Variants in ANKH observed in about 807,000 individuals in gnomAD.
The protein encoded by ANKH is mineralization regulator ANKH.
A neutral mutation model predicts 49.0 loss-of-function variants in ANKH; 15 were observed. That is an observed-to-expected ratio of 0.31 (90% CI 0.20 to 0.47). The LOEUF (loss-of-function observed/expected upper bound fraction) is 0.47. ANKH is among the 20% of genes least tolerant of loss of function. ANKH has a pLI of 1.00. For synonymous variants in ANKH, 273 were observed against 260.0 expected, an observed-to-expected ratio of 1.05 and a Z score of -0.48; for missense variants, 429 against 652.0, an observed-to-expected ratio of 0.66 and a Z score of 3.72.
chr5:14,799,141 T>C (rs1377624351), intron 1 of ANKH, among the ~76,000 whole-genome samples: 1 of 152,204 alleles, frequency 6.6e-6, no homozygotes, highest in Non-Finnish European at 1.5e-5. Flanking sequence ...CCCACAACAT[T>C]CCCTTAAGCA....
chr5:14,869,444 G>A (rs1735753078), intron 1 of ANKH: 1 of 152,092 alleles, frequency 6.6e-6, no homozygotes, highest in African/African-American at 2.4e-5. Flanking sequence ...CTCATACTCT[G>A]GTGTTTTTGG....
rs1735363885 is a variant in ANKH at position 14,858,573 on chromosome 5, A to G, written c.96+12779T>C. Reference sequence around the variant, plus strand: ...TCTACTAAAAATACAAAAATTAGCCAGGCATGGTGGGTAATGCCTGTAGTC... The same window carrying G: ...TCTACTAAAAATACAAAAATTAGCCGGGCATGGTGGGTAATGCCTGTAGTC... On this transcript the variant is annotated intron_variant, in intron 1 of 11. Coordinates refer to ENST00000284268, the MANE Select transcript of ANKH (RefSeq NM_054027.6). Among the ~76,000 whole-genome samples the G allele has an allele frequency of 3.9e-5, 6 of 151,928 alleles. No homozygotes were observed. In the South Asian group the frequency reaches 6.2e-4, roughly 16 times the overall value.
At chr5:14,717,885 A>G (rs1304791216) in intron 8 of ANKH, among the ~76,000 whole-genome samples, 1 of 152,210 alleles carries the variant, frequency 6.6e-6, no homozygotes. Flanking sequence ...AGCGCTCAAA[A>G]GTTTCAGATT....
intron 8 of ANKH, among the ~76,000 whole-genome samples, chr5:14,718,571 G>A: frequency 6.6e-6 from 1 of 152,200 alleles, no homozygotes; most frequent in Non-Finnish European, 1.5e-5. Flanking sequence ...AGCAGTTTGG[G>A]AGGCTGAGGC....
At chr5:14,715,123 G>A (rs1737397972) in intron 9 of ANKH, among the ~76,000 whole-genome samples, 2 of 152,310 alleles carry the variant, frequency 1.3e-5, no homozygotes, top group African/African-American at 4.8e-5. Flanking sequence ...GGGGCTCCAT[G>A]GCTCCTTTCT....
intron 1 of ANKH, among the ~76,000 whole-genome samples, chr5:14,798,874 CT>C (rs1740475960): frequency 6.6e-6 from 1 of 152,168 alleles, no homozygotes; most frequent in African/African-American, 2.4e-5. Context: ...TGGCCTCTAA[CT>C]ATTCAAGTGA....
intron 2 of ANKH, among the ~76,000 whole-genome samples, chr5:14,762,993 T>C (rs989892104): frequency 1.3e-5 from 2 of 152,220 alleles, no homozygotes; most frequent in Admixed American, 1.3e-4. Flanking sequence ...GTGGACAGCT[T>C]TGACCCTCCT....
intron 1 of ANKH, among the ~76,000 whole-genome samples, chr5:14,858,630 C>T (rs377317707): frequency 2.0e-5 from 3 of 151,958 alleles, no homozygotes; most frequent in Non-Finnish European, 4.4e-5. Flanking sequence ...GCAGGAAAAT[C>T]GCTTAAACAC....
chr5:14,824,841 C>T (rs1392955913), intron 1 of ANKH, among the ~76,000 whole-genome samples: 1 of 152,086 alleles, frequency 6.6e-6, no homozygotes, highest in Non-Finnish European at 1.5e-5. Context: ...GTTACACGCC[C>T]CAAAAGGTGA....
chr5:14,777,413 T>C (rs747832052), intron 1 of ANKH, among the ~76,000 whole-genome samples: 3 of 152,208 alleles, frequency 2.0e-5, no homozygotes, highest in Admixed American at 6.5e-5. Flanking sequence ...CCTGATTTTT[T>C]TTCCACAGTA....
chr5:14,812,627 G>C (rs925810035), intron 1 of ANKH, among the ~76,000 whole-genome samples: 18 of 152,084 alleles, frequency 1.2e-4, no homozygotes, highest in Admixed American at 8.5e-4. Flanking sequence ...ATCCTACTAA[G>C]TCAGTTTAGC....
At chr5:14,716,239 C>T (rs116452229) in intron 9 of ANKH, among the ~76,000 whole-genome samples, 4 of 152,078 alleles carry the variant, frequency 2.6e-5, no homozygotes, top group African/African-American at 9.7e-5. Context: ...CAGTGGCTCA[C>T]GCCTGTAATC....
At chr5:14,784,526 T>C (rs1739911546) in intron 1 of ANKH, among the ~76,000 whole-genome samples, 1 of 152,176 alleles carries the variant, frequency 6.6e-6, no homozygotes, top group Non-Finnish European at 1.5e-5. Context: ...GGAAAAATAA[T>C]TATCATTAAA....
chr5:14,809,509 C>T (rs369708231), intron 1 of ANKH, among the ~76,000 whole-genome samples: 1 of 152,032 alleles, frequency 6.6e-6, no homozygotes, highest in Admixed American at 6.6e-5. Context: ...GAGCCGTGAT[C>T]GTGCCACTGC....
intron 1 of ANKH, among the ~76,000 whole-genome samples, chr5:14,818,820 G>A (rs1355038942): frequency 1.3e-5 from 2 of 151,976 alleles, no homozygotes; most frequent in South Asian, 2.1e-4. Context: ...AAACCTCATC[G>A]TTCTGGTCGC....
At chr5:14,844,561 T>A (rs1177273978) in intron 1 of ANKH, among the ~76,000 whole-genome samples, 2 of 152,210 alleles carry the variant, frequency 1.3e-5, no homozygotes, top group African/African-American at 4.8e-5. Flanking sequence ...GTGTTTTAGC[T>A]ACAAGTCAGA....
In ANKH at chr5:14,713,382, A is replaced by G. The variant is rs971453560; in HGVS notation, c.1265+162T>C. Among the ~76,000 whole-genome samples, 8 of 152,232 alleles carry G rather than the reference A, an allele frequency of 5.3e-5. No homozygotes were observed. Among genetic ancestry groups the G allele is most frequent in the Non-Finnish European group, 1.0e-4 (7 of 68,048 alleles). ...AAGCACTTTTCTAAAATGGATCCCA[A>G]GAGCCTCCACCTGGTGCCTGGGCAG... On this transcript the variant is annotated intron_variant, in intron 10 of 11. Transcript: ENST00000284268. The surrounding 1 kb of genome is among the most constrained non-coding windows in gnomAD (Gnocchi z 4.4).
At chr5:14,822,857 A>G (rs563997097) in intron 1 of ANKH, among the ~76,000 whole-genome samples, 135 of 152,196 alleles carry the variant, frequency 8.9e-4, no homozygotes, top group African/African-American at 3.1e-3. Flanking sequence ...CCACGGTGAA[A>G]CCCTGTCTCT....
chr5:14,762,095 A>G (rs1463795693), intron 2 of ANKH, among the ~76,000 whole-genome samples: 1 of 152,112 alleles, frequency 6.6e-6, no homozygotes, highest in African/African-American at 2.4e-5. Context: ...GCTTGTAACA[A>G]AGGCCGAAAG....
Sources: allele counts gnomAD v4.1 joint callset (sites outside exome capture counted in the v4.1 genomes callset), GRCh38; gene constraint gnomAD v4.1.1; non-coding constraint Gnocchi (gnomAD v3.1); transcripts MANE v1.5; gene names NCBI Gene and HGNC (gene_info 2026-07-23, HGNC 2026-07-21).